The following TPD52 variants were observed in gnomAD, a reference collection of about 807,000 sequenced individuals.
TPD52 encodes the protein tumor protein D52.
A neutral mutation model predicts 31.3 loss-of-function variants in TPD52; 17 were observed. That is an observed-to-expected ratio of 0.54 (90% confidence interval 0.37 to 0.82). The LOEUF (loss-of-function observed/expected upper bound fraction) is 0.82, where lower values mean the gene tolerates loss of function less well. Ranked by LOEUF, TPD52 falls within the 40% of genes least tolerant of loss-of-function variation. The pLI is 0.00. For missense variants in TPD52, 212 were observed against 240.1 expected, an observed-to-expected ratio of 0.88 and a Z score of 0.77; for synonymous variants, 83 against 89.6, an observed-to-expected ratio of 0.93 and a Z score of 0.42.
intron 1 of TPD52, among the ~76,000 whole-genome samples, chr8:80,169,761 A>G (rs1042847815): frequency 6.6e-6 from 1 of 152,186 alleles, no homozygotes; most frequent in Non-Finnish European, 1.5e-5. Flanking sequence ...AGCCAGACAG[A>G]CATAATGCTG....
intron 1 of TPD52, among the ~76,000 whole-genome samples, chr8:80,126,248 G>A (rs1808586929): frequency 6.6e-6 from 1 of 151,984 alleles, no homozygotes; most frequent in Non-Finnish European, 1.5e-5. Context: ...GAAAGCAAGG[G>A]GGAAAATGTA....
At chr8:80,150,995 A>C (rs1195349364) in intron 1 of TPD52, among the ~76,000 whole-genome samples, 1 of 152,144 alleles carries the variant, frequency 6.6e-6, no homozygotes, top group Non-Finnish European at 1.5e-5. Flanking sequence ...CTGTGTCCCC[A>C]CCCAAATCTC....
chr8:80,122,882 G>C (rs1808353556), intron 1 of TPD52: 1 of 152,326 alleles, frequency 6.6e-6, no homozygotes, highest in East Asian at 1.9e-4. Context: ...AATGAACAAG[G>C]ACATGGCAAT....
chr8:80,098,258 T>A (rs1480158979), intron 1 of TPD52, among the ~76,000 whole-genome samples: 1 of 152,242 alleles, frequency 6.6e-6, no homozygotes, highest in Non-Finnish European at 1.5e-5. Flanking sequence ...GTAATTCCTA[T>A]TTTCAAGTCT....
chr8:80,051,408 C>T, intron 4 of TPD52, 119 bp downstream of exon 4: 1 of 891,850 alleles, frequency 1.1e-6, no homozygotes, highest in South Asian at 1.5e-5. Context: ...GAGTGCCCTC[C>T]CTCACTCTAA....
At chr8:80,162,866 T>C (rs1252796792) in intron 1 of TPD52, among the ~76,000 whole-genome samples, 1 of 151,922 alleles carries the variant, frequency 6.6e-6, no homozygotes, top group African/African-American at 2.4e-5. Flanking sequence ...TTCAAGGTTA[T>C]GGTAATCTAT....
At chr8:80,091,464 CAAAA>C (rs58616020) in intron 1 of TPD52, among the ~76,000 whole-genome samples, 3 of 121,862 alleles carry the variant, frequency 2.5e-5, no homozygotes, top group Non-Finnish European at 1.8e-5. Flanking sequence ...GACTCCATCT[CAAAA>C]AAAAAAAAAA....
At chr8:80,164,635 G>A (rs1811589405) in intron 1 of TPD52, among the ~76,000 whole-genome samples, 2 of 152,170 alleles carry the variant, frequency 1.3e-5, no homozygotes, top group Non-Finnish European at 2.9e-5. Flanking sequence ...TGTAATCCCA[G>A]CAGCTTGGGA....
At chr8:80,052,772 G>A (rs185214699) in intron 3 of TPD52, 1 of 736,438 alleles carries the variant, frequency 1.4e-6, no homozygotes, top group Non-Finnish European at 2.0e-6. Flanking sequence ...TCTGCCAAGA[G>A]CATATATCTG....
At chr8:80,094,456 A>T (rs997042237) in intron 1 of TPD52, among the ~76,000 whole-genome samples, 24 of 83,614 alleles carry the variant, frequency 2.9e-4, no homozygotes, top group African/African-American at 1.1e-3. Flanking sequence ...ATATATATAT[A>T]TATATATATA....
intron 1 of TPD52, among the ~76,000 whole-genome samples, chr8:80,151,246 T>C (rs1009452042): frequency 6.6e-6 from 1 of 152,196 alleles, no homozygotes; most frequent in Non-Finnish European, 1.5e-5. Flanking sequence ...TCCCCAGCCA[T>C]GTGAAGTTGT....
intron 1 of TPD52, among the ~76,000 whole-genome samples, chr8:80,116,435 C>T (rs1200596926): frequency 6.7e-6 from 1 of 149,188 alleles, no homozygotes; most frequent in Non-Finnish European, 1.5e-5. Flanking sequence ...TAGAAAGACA[C>T]AAAATCCTGA....
chr8:80,114,384 T>C (rs1807716193), intron 1 of TPD52, among the ~76,000 whole-genome samples: 1 of 152,214 alleles, frequency 6.6e-6, no homozygotes, highest in South Asian at 2.1e-4. Flanking sequence ...ATAGTAATAT[T>C]GACTGCCTCC....
intron 1 of TPD52, among the ~76,000 whole-genome samples, chr8:80,097,307 T>A (rs1234525811): frequency 6.6e-6 from 1 of 152,174 alleles, no homozygotes; most frequent in Non-Finnish European, 1.5e-5. Context: ...ATGTATAAGG[T>A]GAAGCAGCAA....
At chr8:80,092,455 T>C (rs1816348241) in intron 1 of TPD52, among the ~76,000 whole-genome samples, 1 of 152,176 alleles carries the variant, frequency 6.6e-6, no homozygotes, top group African/African-American at 2.4e-5. Flanking sequence ...AGAAATCAGA[T>C]GTCAAGGATA....
intron 1 of TPD52, among the ~76,000 whole-genome samples, chr8:80,088,295 G>C (rs1815975849): frequency 6.6e-6 from 1 of 152,240 alleles, no homozygotes; most frequent in Admixed American, 6.5e-5. Context: ...GGAGTAACAA[G>C]GTGATGGAAG....
chr8:80,110,802 A>G (rs1237997270), intron 1 of TPD52, among the ~76,000 whole-genome samples: 2 of 152,138 alleles, frequency 1.3e-5, no homozygotes, highest in African/African-American at 4.8e-5. Flanking sequence ...AAATTGGTTT[A>G]TTTGTCTTGC....
At chr8:80,165,702 C>T in intron 1 of TPD52, among the ~76,000 whole-genome samples, 1 of 152,234 alleles carries the variant, frequency 6.6e-6, no homozygotes, top group Non-Finnish European at 1.5e-5. Flanking sequence ...TTTTCCACAA[C>T]TGCCACTCTT....
At chr8:80,121,584 C>G (rs910161459) in intron 1 of TPD52, among the ~76,000 whole-genome samples, 3 of 152,184 alleles carry the variant, frequency 2.0e-5, no homozygotes, top group Non-Finnish European at 1.5e-5. Context: ...CCCCTGAAAC[C>G]TCAGGAGCCA....
Sources: gnomAD v4.1 joint callset for allele counts (sites outside exome capture counted in the v4.1 genomes callset) on GRCh38, gnomAD v4.1.1 for gene constraint, MANE v1.5 for transcripts, NCBI Gene and HGNC (gene_info 2026-07-23, HGNC 2026-07-21) for gene names.